The following KCTD8 variants were observed in gnomAD, a reference collection of about 807,000 sequenced individuals.
KCTD8 encodes BTB/POZ domain-containing protein KCTD8.
KCTD8 carries 27 observed loss-of-function variants against 31.5 expected under a neutral mutation model. That is an observed-to-expected ratio of 0.86 (90% confidence interval 0.63 to 1.18). The LOEUF is 1.18. KCTD8 is among the 50% of genes most tolerant of loss of function. The pLI is 0.00. For synonymous variants in KCTD8, 290 were observed against 280.0 expected (o/e 1.04, Z -0.36); for missense variants, 658 against 647.7 (o/e 1.02, Z -0.17).
intron 1 of KCTD8, among the ~76,000 whole-genome samples, chr4:44,233,528 T>A (rs1050860779): frequency 3.3e-5 from 5 of 152,186 alleles, no homozygotes; most frequent in Non-Finnish European, 1.5e-5. Flanking sequence ...AAGATTAAAT[T>A]TGCTTCAACA....
At chr4:44,242,105 C>T (rs1381020870) in intron 1 of KCTD8, among the ~76,000 whole-genome samples, 3 of 152,112 alleles carry the variant, frequency 2.0e-5, no homozygotes, top group East Asian at 1.9e-4. Flanking sequence ...AAGTGAAAGG[C>T]TCATTTCCTC....
intron 1 of KCTD8, among the ~76,000 whole-genome samples, chr4:44,233,151 C>T (rs1715174789): frequency 6.6e-6 from 1 of 151,898 alleles, no homozygotes; most frequent in African/African-American, 2.4e-5. Flanking sequence ...TTATGGAACA[C>T]TATCTAGAGA....
chr4:44,255,418 T>C (rs902407), intron 1 of KCTD8, among the ~76,000 whole-genome samples: 7 of 151,962 alleles, frequency 4.6e-5, no homozygotes, highest in Admixed American at 2.0e-4. Context: ...TGTTTCCTTA[T>C]ACATTATCTA....
chr4:44,336,921 A>G (rs1718764913), intron 1 of KCTD8, among the ~76,000 whole-genome samples: 1 of 151,838 alleles, frequency 6.6e-6, no homozygotes, highest in Non-Finnish European at 1.5e-5. Context: ...TCTAAACGAG[A>G]GAAGTCTGTT....
At chr4:44,316,497 T>C (rs1215509231) in intron 1 of KCTD8, among the ~76,000 whole-genome samples, 2 of 152,138 alleles carry the variant, frequency 1.3e-5, no homozygotes, top group Non-Finnish European at 2.9e-5. Context: ...AATATAAACG[T>C]ACTATGTTAA....
rs532555778 is a variant in KCTD8 at position 44,235,511 on chromosome 4, A to G, written c.962-60261T>C. Among the ~76,000 whole-genome samples the G allele has an allele frequency of 9.2e-5, 12 of 129,932 alleles. 1 individual carries two copies. Among genetic ancestry groups the G allele is most frequent in the African/African-American group, 3.0e-4 (11 of 36,352 alleles). 85.2% of individuals were successfully genotyped at this position (129,932 alleles called of 152,430 possible). On this transcript the variant is annotated intron_variant, in intron 1 of 1. Coordinates refer to ENST00000360029, the MANE Select transcript of KCTD8 (RefSeq NM_198353.3). Reference sequence around the variant, plus strand: ...CTGGATTTTACCCATGTATACAGAAAGAGAGACACTGGATTATATATATAT... The same window carrying G: ...CTGGATTTTACCCATGTATACAGAAGGAGAGACACTGGATTATATATATAT...
chr4:44,313,745 T>C (rs1176900547), intron 1 of KCTD8, among the ~76,000 whole-genome samples: 2 of 152,190 alleles, frequency 1.3e-5, no homozygotes, highest in African/African-American at 2.4e-5. Flanking sequence ...CCTAGTTTAA[T>C]AAATAAATGC....
At chr4:44,377,416 G>C (rs370313970) in intron 1 of KCTD8, among the ~76,000 whole-genome samples, 7 of 152,314 alleles carry the variant, frequency 4.6e-5, no homozygotes, top group African/African-American at 1.7e-4. Context: ...GGATAGACCT[G>C]TGGAGGAGGC....
intron 1 of KCTD8, among the ~76,000 whole-genome samples, chr4:44,430,449 G>T (rs934537187): frequency 6.6e-6 from 1 of 151,734 alleles, no homozygotes; most frequent in Non-Finnish European, 1.5e-5. Context: ...ACACAAGTTG[G>T]AAAGGGAGTA....
chr4:44,299,740 G>A (rs1429204712), intron 1 of KCTD8, among the ~76,000 whole-genome samples: 3 of 151,586 alleles, frequency 2.0e-5, no homozygotes, highest in African/African-American at 7.3e-5. Flanking sequence ...AAAAAAAAAG[G>A]TGGTGCCTTA....
At chr4:44,267,771 C>T (rs945664531) in intron 1 of KCTD8, among the ~76,000 whole-genome samples, 17 of 152,112 alleles carry the variant, frequency 1.1e-4, no homozygotes, top group East Asian at 3.9e-4. Flanking sequence ...AACACCTCTA[C>T]GCAAATAAAC....
chr4:44,346,447 T>C (rs1719039478), intron 1 of KCTD8, among the ~76,000 whole-genome samples: 1 of 152,164 alleles, frequency 6.6e-6, no homozygotes, highest in South Asian at 2.1e-4. Flanking sequence ...TCAACTCTCA[T>C]AGACATTCCT....
chr4:44,349,939 G>A (rs1719155369), intron 1 of KCTD8, among the ~76,000 whole-genome samples: 1 of 152,088 alleles, frequency 6.6e-6, no homozygotes, highest in South Asian at 2.1e-4. Flanking sequence ...GAGACCAGAG[G>A]AGAACACTTC....
chr4:44,406,302 CTT>C (rs1720795594), intron 1 of KCTD8, among the ~76,000 whole-genome samples: 1 of 152,096 alleles, frequency 6.6e-6, no homozygotes, highest in African/African-American at 2.4e-5. Context: ...AAACATGACT[CTT>C]CTCTTTTGAT....
intron 1 of KCTD8, among the ~76,000 whole-genome samples, chr4:44,254,690 A>C (rs998073524): frequency 6.6e-6 from 1 of 151,780 alleles, no homozygotes; most frequent in Non-Finnish European, 1.5e-5. Context: ...TCCCATTCAC[A>C]ATGCCTGGGT....
chr4:44,303,826 GAA>G (rs936629933), intron 1 of KCTD8, among the ~76,000 whole-genome samples: 1 of 151,764 alleles, frequency 6.6e-6, no homozygotes, highest in Non-Finnish European at 1.5e-5. Flanking sequence ...AAAAAAAAAT[GAA>G]AAAACTCCTA....
At chr4:44,302,517 T>A (rs909870080) in intron 1 of KCTD8, among the ~76,000 whole-genome samples, 4 of 152,128 alleles carry the variant, frequency 2.6e-5, no homozygotes, top group African/African-American at 9.7e-5. Context: ...TGGCTCTCTG[T>A]TTGTCTGTTA....
intron 1 of KCTD8, among the ~76,000 whole-genome samples, chr4:44,425,427 CT>C (rs1464010415): frequency 6.6e-6 from 1 of 151,930 alleles, no homozygotes; most frequent in Non-Finnish European, 1.5e-5. Flanking sequence ...AAATCAGTTA[CT>C]TTTTCATTTA....
chr4:44,290,030 C>G (rs774726032), intron 1 of KCTD8, among the ~76,000 whole-genome samples: 5 of 152,042 alleles, frequency 3.3e-5, no homozygotes, highest in African/African-American at 1.2e-4. Context: ...GAAGTTGGAT[C>G]AGAAGACAAG....
Sources: allele counts gnomAD v4.1 joint callset (sites outside exome capture counted in the v4.1 genomes callset), GRCh38; gene constraint gnomAD v4.1.1; transcripts MANE v1.5; gene names NCBI Gene and HGNC (gene_info 2026-07-23, HGNC 2026-07-21).